APOBEC3H: variants seen among roughly 807,000 people sequenced by gnomAD.
The protein encoded by APOBEC3H is apolipoprotein B mRNA editing enzyme catalytic subunit 3H.
A neutral mutation model predicts 21.2 loss-of-function variants in APOBEC3H; 8 were observed. The ratio of observed to expected loss-of-function variants is 0.38; its 90% CI spans 0.22 to 0.68. The LOEUF (loss-of-function observed/expected upper bound fraction) is 0.68. Among genes scored for constraint, APOBEC3H ranks in the 30% least tolerant of loss-of-function variants. The pLI is 0.52. For missense variants in APOBEC3H, 229 were observed against 228.1 expected (o/e 1.00, Z -0.03); for synonymous variants, 88 against 91.0 (o/e 0.97, Z 0.19).
At chr22:39,099,787 C>T (rs1036105349) in intron 1 of APOBEC3H, among the ~76,000 whole-genome samples, 17 of 152,258 alleles carry the variant, frequency 1.1e-4, no homozygotes, top group African/African-American at 4.1e-4. Context: ...CTCCTGCCAG[C>T]CCTTCCTTCC....
At chr22:39,102,470 G>C in intron 4 of APOBEC3H, 1 of 703,370 alleles carries the variant, frequency 1.4e-6, no homozygotes, top group East Asian at 2.7e-5. Context: ...TTTCTTTTTT[G>C]TGTTCTCCTC....
At chr22:39,100,840 C>T (rs1011879789) in intron 2 of APOBEC3H, among the ~76,000 whole-genome samples, 8 of 152,024 alleles carry the variant, frequency 5.3e-5, no homozygotes, top group East Asian at 3.9e-4. Flanking sequence ...CCCCGCCCCC[C>T]GCCCCGGCTC....
chr22:39,102,137 C>G, intron 4 of APOBEC3H, 95 bp downstream of exon 4: 2 of 1,478,848 alleles, frequency 1.4e-6, no homozygotes, highest in South Asian at 2.8e-5. Flanking sequence ...TTACCCCTAC[C>G]TTTTTTTCTT....
chr22:39,100,611 C>G, intron 2 of APOBEC3H, 183 bp downstream of exon 2: 2 of 746,138 alleles, frequency 2.7e-6, no homozygotes, highest in Non-Finnish European at 4.2e-6. Flanking sequence ...CCCAGTTTCC[C>G]TAGGACACTC....
intron 4 of APOBEC3H, chr22:39,102,474 TCTC>T (rs149229175): frequency 0.14 from 102,888 of 717,658 alleles, 10,526 homozygotes; most frequent in African/African-American, 0.44. Flanking sequence ...TTTTTTGTGT[TCTC>T]CTCTCGCACC....
chr22:39,101,136 G>GCTCCCCCCTC, intron 2 of APOBEC3H, 101 bp from the exon 3 acceptor site: 2 of 378,522 alleles, frequency 5.3e-6, no homozygotes, highest in Admixed American at 7.8e-5. Context: ...AGACCCCTCT[G>GCTCCCCCCTC]CCCCCCCATC....
At chr22:39,103,457 A>G (rs1929484506) in intron 4 of APOBEC3H, among the ~76,000 whole-genome samples, 1 of 152,234 alleles carries the variant, frequency 6.6e-6, no homozygotes, top group Non-Finnish European at 1.5e-5. Context: ...AGAAATTGAC[A>G]ATTGGGATCT....
In APOBEC3H at chr22:39,101,906, C is replaced by T. The variant is rs573666349; in HGVS notation, c.419-12C>T. On this transcript the variant is annotated splice_polypyrimidine_tract_variant and intron_variant, in intron 3 of 4. Transcript: ENST00000442487. The stretch of plus-strand genomic sequence containing the variant: ...CCCCTGGGGCCTGGCTGGTTTCCCT[C>T]TTCCCTCTCAGAGTTTGCTGACTGC... 3.0e-5 allele frequency: 48 copies of T among 1,613,930 alleles called. No individual in the cohort carries two copies. In the South Asian group the frequency reaches 4.8e-4, roughly 16 times the overall value.
chr22:39,100,425 CA>C lies in APOBEC3H; in HGVS notation c.149del (p.Lys50ArgfsTer53). The C allele has an allele frequency of 6.2e-7, 1 of 1,613,300 alleles. No individual in the cohort carries two copies. The highest frequency in any genetic ancestry group is 8.5e-7 in the Non-Finnish European group (1 of 1,179,622). ...CGCCCACGAGAGGCTACTTTGAAAA[CA>C]AGGTGCCACACGGGCTCTCTGGGCA... ...STPTRGYFEN[K>X]KKCHAEICFI... On this transcript the variant is annotated frameshift_variant and splice_region_variant, in exon 2 of 5. Transcript: ENST00000442487. LOFTEE classifies it high-confidence loss of function.
rs1239831173 is a variant in APOBEC3H, at chr22:39,102,048, G to A, written c.543+6G>A. The stretch of plus-strand genomic sequence containing the variant: ...GACGGCTTGAGAGGATAAAGGTGAG[G>A]CACTGTCCTGCCTGCTGCCCCCGAC... On this transcript the variant is annotated splice_donor_region_variant and intron_variant, in intron 4 of 4. Coordinates refer to ENST00000442487, the MANE Select transcript of APOBEC3H (RefSeq NM_181773.5). 2 of 1,613,002 alleles carry A rather than the reference G, an allele frequency of 1.2e-6. No homozygotes were observed. The highest frequency in any genetic ancestry group is 1.7e-6 in the Non-Finnish European group (2 of 1,179,370).
intron 4 of APOBEC3H, chr22:39,102,605 G>A: frequency 2.8e-6 from 2 of 716,228 alleles, no homozygotes; most frequent in East Asian, 2.7e-5. Flanking sequence ...GCACCCAATA[G>A]GTAGTTTTTC....
At chr22:39,101,182 G>A (rs1354398633) in intron 2 of APOBEC3H, 55 bp from the exon 3 acceptor site, 10 of 818,346 alleles carry the variant, frequency 1.2e-5, no homozygotes, top group Admixed American at 3.0e-5. Flanking sequence ...CCAGTCACAT[G>A]ACTCCTGGCC....
At chr22:39,098,712 C>T (rs1205359128) in intron 1 of APOBEC3H, among the ~76,000 whole-genome samples, 1 of 152,164 alleles carries the variant, frequency 6.6e-6, no homozygotes, top group Non-Finnish European at 1.5e-5. Flanking sequence ...CCCCTGCCAG[C>T]ATCTCCTTCT....
intron 2 of APOBEC3H, 101 bp from the exon 3 acceptor site, chr22:39,101,135 TG>T: frequency 1.7e-5 from 7 of 406,210 alleles, no homozygotes; most frequent in Admixed American, 7.2e-5. Flanking sequence ...CAGACCCCTC[TG>T]CCCCCCCATC....
At chr22:39,102,623 GC>G (rs900523644) in intron 4 of APOBEC3H, 6 of 711,348 alleles carry the variant, frequency 8.4e-6, no homozygotes, top group Middle Eastern at 3.1e-4. Context: ...TTCAACCCTG[GC>G]CCCCCTCCCA....
In APOBEC3H at chr22:39,101,309, C is replaced by T; in HGVS notation, c.223C>T (p.Gln75Ter). Residue 75 changes from glutamine (Q) to a stop codon, truncating the protein, a stop_gained, in exon 3 of 5, where the codon CAA becomes TAA. Transcript: ENST00000442487. LOFTEE classifies it high-confidence loss of function. ...GGGACTGGACGAAACGCAGTGCTAC[C>T]AAGTCACCTGTTACCTCACGTGGAG... ...SMGLDETQCY[Q>*]VTCYLTWSPC... 6.2e-7 allele frequency: 1 copy of T among 1,613,492 alleles called. No homozygotes were observed. Among genetic ancestry groups the T allele is most frequent in the Non-Finnish European group, 8.5e-7 (1 of 1,179,912 alleles).
intron 3 of APOBEC3H, 57 bp downstream of exon 3, chr22:39,101,561 C>G: frequency 1.2e-6 from 1 of 817,042 alleles, no homozygotes; most frequent in Non-Finnish European, 1.8e-6. Flanking sequence ...ACAGGCTTGG[C>G]AGGGGCTGGG....
At chr22:39,101,208 C>G (rs1336258124) in intron 2 of APOBEC3H, 29 bp from the exon 3 acceptor site, 1 of 1,596,310 alleles carries the variant, frequency 6.3e-7, no homozygotes, top group Non-Finnish European at 8.5e-7. Context: ...CTTCTCCCCT[C>G]CCTTCTCTCT....
At chr22:39,103,398 T>C (rs1929482333) in intron 4 of APOBEC3H, among the ~76,000 whole-genome samples, 1 of 152,238 alleles carries the variant, frequency 6.6e-6, no homozygotes, top group East Asian at 1.9e-4. Context: ...GACACTGGTC[T>C]ATGCAAAGAA....
Sources: allele counts gnomAD v4.1 joint callset (sites outside exome capture counted in the v4.1 genomes callset), GRCh38; gene constraint gnomAD v4.1.1; transcripts MANE v1.5; gene names NCBI Gene and HGNC (gene_info 2026-07-23, HGNC 2026-07-21).